GALNT16: variants seen among roughly 807,000 people sequenced by gnomAD.
GALNT16 encodes the protein UDP-GalNAc:polypeptide N-acetylgalactosaminyltransferase-like protein 1.
Under a neutral mutation model 76.1 loss-of-function variants are expected in GALNT16, and 40 were observed. The ratio of observed to expected loss-of-function variants is 0.53; its 90% CI spans 0.41 to 0.68. The LOEUF (loss-of-function observed/expected upper bound fraction) is 0.68, where lower values mean the gene tolerates loss of function less well. Among genes scored for constraint, GALNT16 ranks in the 30% least tolerant of loss-of-function variants. The pLI, the probability that GALNT16 is intolerant of heterozygous loss-of-function variation, is 0.00. For missense variants in GALNT16, 621 were observed against 731.9 expected, an observed-to-expected ratio of 0.85 and a Z score of 1.75; for synonymous variants, 276 against 285.2, an observed-to-expected ratio of 0.97 and a Z score of 0.32.
chr14:69,259,749 CG>C (rs2044233424), upstream of GALNT16: 1 of 153,612 alleles, frequency 6.5e-6, no homozygotes, highest in South Asian at 2.0e-4. Context: ...GGGCCCAGGT[CG>C]GGGGTCGCGC....
chr14:69,285,038 C>CTTTTTTT lies in GALNT16; in HGVS notation c.177+24572_177+24573insTTTTTTT, dbSNP rs1239622713. On this transcript the variant is annotated intron_variant, in intron 1 of 14. Coordinates refer to ENST00000448469, the MANE Select transcript of GALNT16 (RefSeq NM_001168368.2). Reference sequence around the variant, plus strand: ...TTTATATGTTACCCAGTCTCGGGCACTCTTTTTTTTTTTTTTTTTTGAGAC... The same window carrying CTTTTTTT: ...TTTATATGTTACCCAGTCTCGGGCACTTTTTTTTCTTTTTTTTTTTTTTTTTTGAGAC... Among the ~76,000 whole-genome samples the CTTTTTTT allele has an allele frequency of 6.1e-5, 8 of 130,460 alleles. 2 individuals are homozygous for CTTTTTTT. Among genetic ancestry groups the CTTTTTTT allele is most frequent in the Non-Finnish European group, 4.8e-5 (3 of 63,094 alleles). 85.6% of individuals were successfully genotyped at this position (130,460 alleles called of 152,430 possible). A position where few individuals can be genotyped will look rare whatever the true frequency, so the allele number is the denominator to read the frequency against.
intron 1 of GALNT16, among the ~76,000 whole-genome samples, chr14:69,282,889 C>T (rs1167899481): frequency 6.6e-6 from 1 of 152,114 alleles, no homozygotes; most frequent in Non-Finnish European, 1.5e-5. Context: ...TGGTCTCAAA[C>T]TCCTGACCTC....
At chr14:69,344,096 G>T (rs1434863132) in intron 12 of GALNT16, among the ~76,000 whole-genome samples, 3 of 152,164 alleles carry the variant, frequency 2.0e-5, no homozygotes, top group African/African-American at 4.8e-5. Context: ...TCCAAACAGG[G>T]GGTCCCTAAA....
chr14:69,328,640 C>A lies in GALNT16; in HGVS notation c.690+69C>A, dbSNP rs368466926. ...GCCACTACGTTCCTGGCACCGAGGC[C>A]TATGGGACAGTATTTGAAGCTGGGC... On this transcript the variant is annotated intron_variant, in intron 6 of 14. Transcript: ENST00000448469. 1.3e-5 allele frequency: 20 copies of A among 1,519,062 alleles called. No individual in the cohort carries two copies. The South Asian group carries it at 2.4e-4, about 18-fold the overall frequency. 94.1% of individuals were successfully genotyped at this position (1,519,062 alleles called of 1,614,324 possible). A position where few individuals can be genotyped will look rare whatever the true frequency, so the allele number is the denominator to read the frequency against.
At chr14:69,306,296 T>TC (rs934559733) in intron 1 of GALNT16, among the ~76,000 whole-genome samples, 4 of 152,250 alleles carry the variant, frequency 2.6e-5, no homozygotes, top group Admixed American at 1.3e-4. Flanking sequence ...AGGGTTTTTT[T>TC]CCCACAATCT....
intron 1 of GALNT16, among the ~76,000 whole-genome samples, chr14:69,296,782 TAG>T (rs1171487152): frequency 1.4e-3 from 178 of 128,488 alleles, no homozygotes; most frequent in East Asian, 3.3e-3. Flanking sequence ...AGATAGATGA[TAG>T]AGATAGACAG....
chr14:69,346,653 A>G (rs1275690), intron 12 of GALNT16, among the ~76,000 whole-genome samples: 69,582 of 152,132 alleles, frequency 0.46, 16,477 homozygotes, highest in African/African-American at 0.51. Context: ...TGCCTCTTCA[A>G]AGCGCTCCCT....
At chr14:69,361,817 G>A (rs1470258582), downstream of GALNT16, among the ~76,000 whole-genome samples, 5 of 152,212 alleles carry the variant, frequency 3.3e-5, no homozygotes, top group East Asian at 9.7e-4. Flanking sequence ...GACCAGCCTG[G>A]CATGGATGGC....
intron 12 of GALNT16, among the ~76,000 whole-genome samples, chr14:69,342,540 GA>G (rs1390008743): frequency 6.8e-6 from 1 of 146,770 alleles, no homozygotes; most frequent in Non-Finnish European, 1.5e-5. Flanking sequence ...GAAAAGAAAA[GA>G]AAAGGAGAGA....
At chr14:69,270,856 G>T (rs1379699279) in intron 1 of GALNT16, among the ~76,000 whole-genome samples, 1 of 152,204 alleles carries the variant, frequency 6.6e-6, no homozygotes, top group South Asian at 2.1e-4. Context: ...ACACGTGATC[G>T]CCTAGTGATG....
chr14:69,264,793 T>TTC (rs1289205883), intron 1 of GALNT16, among the ~76,000 whole-genome samples: 3 of 147,588 alleles, frequency 2.0e-5, no homozygotes, highest in East Asian at 4.0e-4. Flanking sequence ...TCTTTTCTTT[T>TTC]TTTATTTTCT....
At chr14:69,346,933 C>G (rs566694967) in intron 12 of GALNT16, 107 bp from the exon 13 acceptor site, 1 of 1,393,044 alleles carries the variant, frequency 7.2e-7, no homozygotes, top group Non-Finnish European at 1.0e-6. Context: ...CCCCTTCCCA[C>G]GGAGACCTCG....
chr14:69,283,319 T>G (rs1011101858), intron 1 of GALNT16, among the ~76,000 whole-genome samples: 8 of 152,198 alleles, frequency 5.3e-5, no homozygotes, highest in African/African-American at 1.9e-4. Context: ...TCCTGGACAG[T>G]GCCTGGCACT....
At chr14:69,371,869 GGGAGGTGGAGGTTGCA>G in the GALNT16 span, among the ~76,000 whole-genome samples, 1 of 151,962 alleles carries the variant, frequency 6.6e-6, no homozygotes, top group Non-Finnish European at 1.5e-5. Flanking sequence ...GCTTGAAGCC[GGGAGGTGGAGGTTGCA>G]GTGAGCCGAG....
Position 69,333,216 on chromosome 14 carries a change from AG to A in GALNT16, c.863+51del, listed in dbSNP as rs1377487305. On this transcript the variant is annotated intron_variant, in intron 8 of 14. Coordinates refer to ENST00000448469, the MANE Select transcript of GALNT16 (RefSeq NM_001168368.2). The surrounding 1 kb of genome is among the most constrained non-coding windows in gnomAD (Gnocchi z 4.2). ...GGGGGACCCCTTCCTTCCCTGGGTC[AG>A]GGGCCTGGGAGGCTCTTGGGAGGCT... 3 of 1,336,528 alleles carry A rather than the reference AG, an allele frequency of 2.2e-6. No individual in the cohort carries two copies. The highest frequency in any genetic ancestry group is 1.3e-5 in the South Asian group (1 of 77,854). The allele number at this position is 1,336,528 out of a possible 1,614,324, so 82.8% of individuals were successfully genotyped here. A position where few individuals can be genotyped will look rare whatever the true frequency, so the allele number is the denominator to read the frequency against.
chr14:69,290,539 A>G (rs1457529883), intron 1 of GALNT16, among the ~76,000 whole-genome samples: 1 of 152,212 alleles, frequency 6.6e-6, no homozygotes, highest in East Asian at 1.9e-4. Flanking sequence ...ATGGTTTTAA[A>G]CTGACAAAAG....
chr14:69,303,284 G>C lies in GALNT16; in HGVS notation c.178-17427G>C, dbSNP rs547480563. 1.1e-4 allele frequency among the ~76,000 whole-genome samples: 16 copies of C among 152,278 alleles called. 1 individual carries two copies. In the South Asian group the frequency reaches 2.7e-3, roughly 26 times the overall value. On this transcript the variant is annotated intron_variant, in intron 1 of 14. Transcript: ENST00000448469. ...GGTGGGATCCAAGATAGCTAAAATG[G>C]ATGGGGCCTGAAGGTGCTAAAGAAC...
intron 1 of GALNT16, among the ~76,000 whole-genome samples, chr14:69,290,284 G>A (rs761352514): frequency 9.2e-5 from 14 of 152,184 alleles, no homozygotes; most frequent in Non-Finnish European, 1.0e-4. Flanking sequence ...TTGTTTTACC[G>A]AATATGGTGT....
intron 10 of GALNT16, 136 bp from the exon 11 acceptor site, chr14:69,339,391 A>G: frequency 1.4e-6 from 1 of 699,010 alleles, no homozygotes; most frequent in East Asian, 2.6e-5. Flanking sequence ...GGACCGTGCT[A>G]ATCTATACCA....
Sources: allele counts gnomAD v4.1 joint callset (sites outside exome capture counted in the v4.1 genomes callset), GRCh38; gene constraint gnomAD v4.1.1; non-coding constraint Gnocchi (gnomAD v3.1); transcripts MANE v1.5; gene names NCBI Gene and HGNC (gene_info 2026-07-23, HGNC 2026-07-21).